RBFOX1: variants seen among roughly 807,000 people sequenced by gnomAD.
RBFOX1 encodes RNA binding protein fox-1 homolog 1.
Under a neutral mutation model 57.7 loss-of-function variants are expected in RBFOX1, and 8 were observed. That is an observed-to-expected ratio of 0.14 (90% CI 0.08 to 0.25). The LOEUF is 0.25. Among genes scored for constraint, RBFOX1 ranks in the 10% least tolerant of loss-of-function variants. The pLI is 1.00. For missense variants in RBFOX1, 611 were observed against 548.5 expected (o/e 1.11, Z -1.14); for synonymous variants, 326 against 222.4 (o/e 1.47, Z -4.15).
At chr16:5,918,656 A>G (rs577378072) in intron 4 of RBFOX1, among the ~76,000 whole-genome samples, 2 of 152,338 alleles carry the variant, frequency 1.3e-5, no homozygotes, top group South Asian at 4.1e-4. Flanking sequence ...GGCATTCCTT[A>G]TCTCCAGGAA....
intron 2 of RBFOX1, among the ~76,000 whole-genome samples, chr16:6,462,934 A>C (rs917945823): frequency 6.6e-6 from 1 of 152,118 alleles, no homozygotes; most frequent in African/African-American, 2.4e-5. Context: ...TTTTCTTGTT[A>C]ATCTATTAAT....
intron 4 of RBFOX1, among the ~76,000 whole-genome samples, chr16:7,455,231 G>T (rs1248388395): frequency 3.3e-5 from 5 of 152,070 alleles, no homozygotes; most frequent in African/African-American, 1.2e-4. Flanking sequence ...CTAAATAAGT[G>T]GTGGTTTTAT....
intron 5 of RBFOX1, among the ~76,000 whole-genome samples, chr16:7,577,779 A>T (rs536388895): frequency 6.6e-6 from 1 of 152,288 alleles, no homozygotes; most frequent in Non-Finnish European, 1.5e-5. Flanking sequence ...CATGCCTGTA[A>T]TCCTAGCTAC....
intron 2 of RBFOX1, among the ~76,000 whole-genome samples, chr16:6,386,292 G>A (rs967374682): frequency 6.6e-6 from 1 of 152,178 alleles, no homozygotes; most frequent in African/African-American, 2.4e-5. Context: ...GCTTAGTTTG[G>A]GCGGGACATT....
chr16:7,124,647 T>C (rs2068031166), intron 4 of RBFOX1, among the ~76,000 whole-genome samples: 1 of 149,532 alleles, frequency 6.7e-6, no homozygotes, highest in Non-Finnish European at 1.5e-5. Context: ...ATAGCCCTCA[T>C]TTCACATTCT....
At chr16:6,281,001 A>ATG (rs1378285386) in intron 1 of RBFOX1, among the ~76,000 whole-genome samples, 2 of 150,622 alleles carry the variant, frequency 1.3e-5, no homozygotes, top group Non-Finnish European at 3.0e-5. Flanking sequence ...GTGTGTATAT[A>ATG]TGTATATATA....
At position 7,164,272 on chromosome 16, in the gene RBFOX1, A is replaced by G. The variant is rs185316416; in HGVS notation, c.27+112174A>G. On this transcript the variant is annotated intron_variant, in intron 4 of 15. Coordinates refer to ENST00000550418, the MANE Select transcript of RBFOX1 (RefSeq NM_018723.4). ...AGAATAATGGTTTTCAGCTCCATCC[A>G]GGTTGCTGCAAATGCCATTATTTTG... Among the ~76,000 whole-genome samples, 238 of 152,324 alleles carry G rather than the reference A, an allele frequency of 1.6e-3. 1 individual carries two copies. Among genetic ancestry groups the G allele is most frequent in the African/African-American group, 5.5e-3 (228 of 41,574 alleles).
intron 3 of RBFOX1, among the ~76,000 whole-genome samples, chr16:6,861,166 G>C (rs910120122): frequency 6.6e-6 from 1 of 152,160 alleles, no homozygotes; most frequent in African/African-American, 2.4e-5. Flanking sequence ...TATGTCTCAT[G>C]TATTGCATAA....
intron 3 of RBFOX1, among the ~76,000 whole-genome samples, chr16:6,822,995 A>C (rs541646490): frequency 6.6e-6 from 1 of 152,224 alleles, no homozygotes; most frequent in Non-Finnish European, 1.5e-5. Context: ...CTCAACGTGT[A>C]GATACTTTGC....
intron 3 of RBFOX1, among the ~76,000 whole-genome samples, chr16:5,805,870 C>T (rs150227892): frequency 1.3e-5 from 2 of 152,256 alleles, no homozygotes; most frequent in East Asian, 3.9e-4. Context: ...GAAGGGGATC[C>T]ATCAATATGG....
chr16:7,700,281 A>C (rs116429871), intron 14 of RBFOX1, among the ~76,000 whole-genome samples: 1 of 152,218 alleles, frequency 6.6e-6, no homozygotes, highest in African/African-American at 2.4e-5. Flanking sequence ...TTAGTCCTTA[A>C]CTAGTAATCA....
At chr16:7,119,674 C>T (rs1348705372) in intron 4 of RBFOX1, among the ~76,000 whole-genome samples, 1 of 151,828 alleles carries the variant, frequency 6.6e-6, no homozygotes, top group Non-Finnish European at 1.5e-5. Context: ...CTTAAACAAT[C>T]ATGATTATTT....
intron 1 of RBFOX1, chr16:5,260,814 G>A (rs1006476336): frequency 6.6e-6 from 1 of 152,218 alleles, no homozygotes; most frequent in African/African-American, 2.4e-5. Flanking sequence ...CTACGTTTGA[G>A]TTCATTTTTC....
intron 4 of RBFOX1, among the ~76,000 whole-genome samples, chr16:5,930,720 G>A (rs1348742420): frequency 8.0e-6 from 1 of 124,886 alleles, no homozygotes; most frequent in East Asian, 2.5e-4. Context: ...GTAGGTGGGA[G>A]GGTGAGTAGG....
chr16:7,084,267 G>A lies in RBFOX1; in HGVS notation c.27+32169G>A, dbSNP rs542458740. Among the ~76,000 whole-genome samples the A allele has an allele frequency of 1.1e-3, 166 of 151,808 alleles. 1 individual carries two copies. The highest frequency in any genetic ancestry group is 1.7e-3 in the Non-Finnish European group (115 of 67,966). On this transcript the variant is annotated intron_variant, in intron 4 of 15. Transcript: ENST00000550418. ...GTATATATGTGTGTGTGTGTATAGA[G>A]GTATGAACTAATATATATGTATGAA...
intron 11 of RBFOX1, among the ~76,000 whole-genome samples, chr16:7,638,889 G>C (rs1282495582): frequency 6.6e-6 from 1 of 152,080 alleles, no homozygotes; most frequent in Non-Finnish European, 1.5e-5. Context: ...AGAACATGGT[G>C]GCTGGCTGCT....
At chr16:6,690,460 A>G (rs1603426584) in intron 3 of RBFOX1, among the ~76,000 whole-genome samples, 1 of 152,210 alleles carries the variant, frequency 6.6e-6, no homozygotes, top group Non-Finnish European at 1.5e-5. Context: ...TTTGCCTACT[A>G]TAGTTTAACA....
At chr16:5,670,802 C>A (rs2049993470) in intron 3 of RBFOX1, among the ~76,000 whole-genome samples, 1 of 152,206 alleles carries the variant, frequency 6.6e-6, no homozygotes. Context: ...AACCCAATAA[C>A]TAAGTTTAAT....
At chr16:7,307,949 C>A (rs2096230297) in intron 4 of RBFOX1, among the ~76,000 whole-genome samples, 1 of 152,206 alleles carries the variant, frequency 6.6e-6, no homozygotes, top group Non-Finnish European at 1.5e-5. Context: ...TTAGAACTCA[C>A]ATATCCCCAA....
Sources: allele counts gnomAD v4.1 joint callset (sites outside exome capture counted in the v4.1 genomes callset), GRCh38; gene constraint gnomAD v4.1.1; transcripts MANE v1.5; gene names NCBI Gene and HGNC (gene_info 2026-07-23, HGNC 2026-07-21).